RXRA: variants seen among roughly 807,000 people sequenced by gnomAD.
The protein encoded by RXRA is retinoic acid receptor RXR-alpha.
RXRA carries 5 observed loss-of-function variants against 44.5 expected under a neutral mutation model. The observed-to-expected ratio is 0.11, with a 90% confidence interval of 0.06 to 0.24. The LOEUF (loss-of-function observed/expected upper bound fraction) is 0.24, where lower values mean the gene tolerates loss of function less well. Ranked by LOEUF, RXRA falls within the 10% of genes least tolerant of loss-of-function variation. The probability of loss-of-function intolerance (pLI) is 1.00; values close to 1 mark genes in which losing one functional copy is unlikely to be tolerated. For synonymous variants in RXRA, 291 were observed against 271.4 expected, an observed-to-expected ratio of 1.07 and a Z score of -0.71; for missense variants, 412 against 646.5, an observed-to-expected ratio of 0.64 and a Z score of 3.93.
At chr9:134,395,575 C>T (rs1346619450) in intron 1 of RXRA, among the ~76,000 whole-genome samples, 1 of 152,220 alleles carries the variant, frequency 6.6e-6, no homozygotes, top group Non-Finnish European at 1.5e-5. Context: ...CCTTTCTCCT[C>T]CAGAGTCTGG....
At chr9:134,334,682 C>A (rs576737030) in intron 1 of RXRA, among the ~76,000 whole-genome samples, 1 of 152,362 alleles carries the variant, frequency 6.6e-6, no homozygotes, top group East Asian at 1.9e-4. Context: ...AAGCCTCTGC[C>A]TTGCCTTCTT....
Position 134,439,694 on chromosome 9 carries a change from A to T in RXRA, c.*3080A>T, listed in dbSNP as rs1031667581. On this transcript the variant is annotated 3_prime_UTR_variant, in exon 10 of 10. Transcript: ENST00000481739. Reference sequence around the variant, plus strand: ...CCCTGTCGTGGAGCTGGGGTGCGTGATCTGGTGCTCGTCCACGCAGGTGTG... The same window carrying T: ...CCCTGTCGTGGAGCTGGGGTGCGTGTTCTGGTGCTCGTCCACGCAGGTGTG... 1 of 152,596 alleles carries T rather than the reference A, an allele frequency of 6.6e-6. No individual in the cohort carries two copies. Among genetic ancestry groups the T allele is most frequent in the African/African-American group, 2.4e-5 (1 of 41,458 alleles). 9.5% of individuals were successfully genotyped at this position (152,596 alleles called of 1,614,324 possible).
At chr9:134,329,834 C>T (rs1011986710) in intron 1 of RXRA, among the ~76,000 whole-genome samples, 1 of 152,192 alleles carries the variant, frequency 6.6e-6, no homozygotes, top group Admixed American at 6.5e-5. Context: ...TTTGTTTCCT[C>T]CCCTGGGAAA....
At position 134,410,435 on chromosome 9, in the gene RXRA, A is replaced by G. The variant is rs1035927219; in HGVS notation, c.610+1316A>G. On this transcript the variant is annotated intron_variant, in intron 4 of 9. Transcript: ENST00000481739. ...CCCCCATCCAGACCTTGTTGCTTTCACCAGAGGGCAGAGGAGCATGTGCCC... is the reference window on the plus strand; with the variant it reads ...CCCCCATCCAGACCTTGTTGCTTTCGCCAGAGGGCAGAGGAGCATGTGCCC... Among the ~76,000 whole-genome samples, 4 of 152,108 alleles carry G rather than the reference A, an allele frequency of 2.6e-5. No homozygotes were observed. The South Asian group carries it at 6.2e-4, about 24-fold the overall frequency.
chr9:134,367,517 A>G (rs1335732441), intron 1 of RXRA, among the ~76,000 whole-genome samples: 2 of 152,196 alleles, frequency 1.3e-5, no homozygotes, highest in African/African-American at 4.8e-5. Flanking sequence ...CAGATGGGAA[A>G]CTGAGGTTCA....
chr9:134,341,417 G>A (rs1457862900), intron 1 of RXRA, among the ~76,000 whole-genome samples: 1 of 152,198 alleles, frequency 6.6e-6, no homozygotes, highest in Non-Finnish European at 1.5e-5. Context: ...GGAACCTGGA[G>A]CCGAGCCCTC....
intron 1 of RXRA, among the ~76,000 whole-genome samples, chr9:134,389,064 G>C (rs1830762511): frequency 6.6e-6 from 1 of 152,190 alleles, no homozygotes. Flanking sequence ...GGTCCTCCAA[G>C]GAGGGGTTTG....
At chr9:134,363,423 C>T (rs1321486887) in intron 1 of RXRA, among the ~76,000 whole-genome samples, 1 of 152,254 alleles carries the variant, frequency 6.6e-6, no homozygotes, top group Non-Finnish European at 1.5e-5. Flanking sequence ...TCATACCTCT[C>T]TGGTTTCTCA....
intron 1 of RXRA, among the ~76,000 whole-genome samples, chr9:134,363,911 C>T (rs1288505373): frequency 1.3e-5 from 2 of 152,208 alleles, no homozygotes; most frequent in Non-Finnish European, 2.9e-5. Context: ...GAAAAGCCTC[C>T]CCTAAAAACT....
At chr9:134,380,979 G>A (rs1830636091) in intron 1 of RXRA, among the ~76,000 whole-genome samples, 1 of 152,208 alleles carries the variant, frequency 6.6e-6, no homozygotes, top group Admixed American at 6.5e-5. Flanking sequence ...CTGGGGAAAT[G>A]TGGCCCCAGC....
At position 134,339,403 on chromosome 9, in the gene RXRA, C is replaced by T. The variant is rs781765724; in HGVS notation, c.28+12744C>T. ...GTGAGCCTCTGTCTGCGTGTGAGCC[C>T]GTGAGCCTGTGTGTGAGAGTGTGTG... is the stretch of plus-strand genomic sequence containing the variant. On this transcript the variant is annotated intron_variant, in intron 1 of 9. Transcript: ENST00000481739. 9.2e-5 allele frequency among the ~76,000 whole-genome samples: 14 copies of T among 152,092 alleles called. No homozygotes were observed. In the East Asian group the frequency reaches 1.2e-3, roughly 13 times the overall value.
chr9:134,361,983 C>T (rs1242494444), intron 1 of RXRA, among the ~76,000 whole-genome samples: 1 of 152,204 alleles, frequency 6.6e-6, no homozygotes, highest in African/African-American at 2.4e-5. Flanking sequence ...GGCTCCGGTC[C>T]TCCCCTCCTG....
intron 1 of RXRA, among the ~76,000 whole-genome samples, chr9:134,369,806 C>G (rs1454036781): frequency 6.6e-6 from 1 of 152,102 alleles, no homozygotes; most frequent in Non-Finnish European, 1.5e-5. Context: ...GGAGGAGAGG[C>G]TGAGTCCAGA....
intron 1 of RXRA, among the ~76,000 whole-genome samples, chr9:134,375,885 C>T (rs1052943896): frequency 1.3e-5 from 2 of 151,830 alleles, no homozygotes; most frequent in Non-Finnish European, 2.9e-5. Context: ...CACCACGTGC[C>T]CTGCGACTCG....
At chr9:134,389,237 T>C (rs1234160865) in intron 1 of RXRA, among the ~76,000 whole-genome samples, 3 of 152,074 alleles carry the variant, frequency 2.0e-5, no homozygotes, top group Non-Finnish European at 2.9e-5. Context: ...GGGGAGAGAA[T>C]GGTGGAAATG....
At position 134,408,186 on chromosome 9, in the gene RXRA, A is replaced by G. The variant is rs1284978030; in HGVS notation, c.317A>G (p.Asp106Gly). ...SPMNPVSSSE[D>G]IKPPLGLNGV... is the part of the protein sequence containing the mutation. Reference sequence around the variant, plus strand: ...ATGAACCCCGTCAGCAGCAGCGAGGACATCAAGCCCCCCCTGGGCCTCAAT... The same window carrying G: ...ATGAACCCCGTCAGCAGCAGCGAGGGCATCAAGCCCCCCCTGGGCCTCAAT... The change falls in exon 3 of 10, where the codon GAC becomes GGC. Residue 106 changes from aspartate to glycine, a missense_variant. Physicochemically the swap from Asp to Gly is moderately conservative, Grantham distance 94. Around this residue, in one of 4 missense-constraint regions of RXRA, gnomAD observed 156 missense variants for 177.2 expected, o/e 0.88. Coordinates refer to ENST00000481739, the MANE Select transcript of RXRA (RefSeq NM_002957.6). 1 of 1,597,100 alleles carries G rather than the reference A, an allele frequency of 6.3e-7. No homozygotes were observed. Among genetic ancestry groups the G allele is most frequent in the Non-Finnish European group, 8.5e-7 (1 of 1,172,094 alleles).
intron 1 of RXRA, among the ~76,000 whole-genome samples, chr9:134,358,302 C>T (rs568495477): frequency 2.3e-4 from 35 of 152,138 alleles, no homozygotes; most frequent in African/African-American, 2.9e-4. Context: ...CACTTTCCTC[C>T]GGCAGCAGGC....
intron 1 of RXRA, among the ~76,000 whole-genome samples, chr9:134,396,241 C>T (rs905766705): frequency 8.5e-5 from 13 of 152,284 alleles, no homozygotes; most frequent in Admixed American, 2.6e-4. Flanking sequence ...CATGGCTGCC[C>T]GCCCCACCCT....
chr9:134,409,892 C>A (rs1831120458), intron 4 of RXRA, among the ~76,000 whole-genome samples: 1 of 152,014 alleles, frequency 6.6e-6, no homozygotes, highest in Non-Finnish European at 1.5e-5. Context: ...CTGTCCCTGT[C>A]CCCCCGCTCT....
Sources: allele counts gnomAD v4.1 joint callset (sites outside exome capture counted in the v4.1 genomes callset), GRCh38; gene constraint gnomAD v4.1.1; regional missense constraint gnomAD v4.1.1; transcripts MANE v1.5; gene names NCBI Gene and HGNC (gene_info 2026-07-23, HGNC 2026-07-21).